The following HTT variants were observed in gnomAD, a reference collection of about 807,000 sequenced individuals.
HTT encodes the protein huntingtin.
HTT carries 104 observed loss-of-function variants against 362.3 expected under a neutral mutation model. That is an observed-to-expected ratio of 0.29 (90% confidence interval 0.24 to 0.34). The LOEUF is 0.34. Ranked by LOEUF, HTT falls within the 10% of genes least tolerant of loss-of-function variation. The probability of loss-of-function intolerance (pLI) is 1.00; values close to 1 mark genes in which losing one functional copy is unlikely to be tolerated. For missense variants in HTT, 3,301 were observed against 3,928.6 expected (o/e 0.84, Z 4.27); for synonymous variants, 1,577 against 1,548.7 (o/e 1.02, Z -0.43).
intron 26 of HTT, among the ~76,000 whole-genome samples, chr4:3,154,079 G>A (rs1426085614): frequency 6.6e-5 from 10 of 152,222 alleles, no homozygotes; most frequent in Admixed American, 5.9e-4. Flanking sequence ...GGAAGTTGTG[G>A]GCCAGTCCCT....
At chr4:3,137,119 G>A (rs1173369859) in intron 21 of HTT, among the ~76,000 whole-genome samples, 2 of 151,864 alleles carry the variant, frequency 1.3e-5, no homozygotes, top group African/African-American at 4.8e-5. Context: ...TATTGGCCAG[G>A]CTGGTCTCGA....
intron 29 of HTT, among the ~76,000 whole-genome samples, chr4:3,169,944 C>T (rs980376317): frequency 1.3e-5 from 2 of 152,184 alleles, no homozygotes; most frequent in African/African-American, 4.8e-5. Context: ...AAAAATGTCT[C>T]CCTGTGTTTC....
At chr4:3,226,720 G>T (rs1434227302) in intron 57 of HTT, among the ~76,000 whole-genome samples, 1 of 152,214 alleles carries the variant, frequency 6.6e-6, no homozygotes, top group Non-Finnish European at 1.5e-5. Context: ...ACACTTATGA[G>T]CTCTGAGAGT....
At chr4:3,167,824 A>G (rs1322252686) in intron 29 of HTT, among the ~76,000 whole-genome samples, 2 of 152,354 alleles carry the variant, frequency 1.3e-5, no homozygotes, top group East Asian at 1.9e-4. Flanking sequence ...TACATTTGGC[A>G]TAAGAATAAC....
At chr4:3,161,388 G>A (rs1200309073) in intron 29 of HTT, among the ~76,000 whole-genome samples, 1 of 152,162 alleles carries the variant, frequency 6.6e-6, no homozygotes. Context: ...ACATACATGT[G>A]CATGTGTCTT....
In HTT at chr4:3,074,808, G is replaced by A. The variant is rs760104459; in HGVS notation, c.-18G>A. 4 of 1,512,160 alleles carry A rather than the reference G, an allele frequency of 2.6e-6. No homozygotes were observed. The South Asian group carries it at 3.7e-5, about 14-fold the overall frequency. 93.7% of individuals were successfully genotyped at this position (1,512,160 alleles called of 1,614,324 possible). On this transcript the variant is annotated 5_prime_UTR_variant, in exon 1 of 67. Transcript: ENST00000355072. ...GCCCGAGGCCTCCGGGGACTGCCGT[G>A]CCGGGCGGGAGACCGCCATGGCGAC...
intron 1 of HTT, among the ~76,000 whole-genome samples, chr4:3,075,662 G>A: frequency 7.2e-6 from 1 of 139,284 alleles, no homozygotes; most frequent in Non-Finnish European, 1.6e-5. Flanking sequence ...GGGGGGCGGG[G>A]AGTGAGGGCG....
intron 51 of HTT, among the ~76,000 whole-genome samples, chr4:3,215,911 C>T (rs1291197619): frequency 1.3e-5 from 2 of 152,174 alleles, no homozygotes; most frequent in African/African-American, 2.4e-5. Context: ...TGGGGTGCTT[C>T]AGCTTCTTTA....
intron 53 of HTT, among the ~76,000 whole-genome samples, chr4:3,221,086 G>A (rs1390022570): frequency 6.6e-6 from 1 of 152,142 alleles, no homozygotes; most frequent in African/African-American, 2.4e-5. Flanking sequence ...CCCTGCTGTG[G>A]TGTTTCCTGG....
chr4:3,156,186 C>T (rs1053475922), intron 27 of HTT, among the ~76,000 whole-genome samples: 2 of 152,168 alleles, frequency 1.3e-5, no homozygotes, highest in Admixed American at 6.5e-5. Flanking sequence ...ATGGCACGAT[C>T]TCATCTCACT....
At chr4:3,075,436 G>A (rs1050798210) in intron 1 of HTT, among the ~76,000 whole-genome samples, 2 of 152,178 alleles carry the variant, frequency 1.3e-5, no homozygotes, top group African/African-American at 2.4e-5. Flanking sequence ...TTTTATTTGC[G>A]AGAAACCAGG....
chr4:3,095,536 A>AGGGAAT (rs1713814714), intron 2 of HTT, among the ~76,000 whole-genome samples: 1 of 152,178 alleles, frequency 6.6e-6, no homozygotes, highest in South Asian at 2.1e-4. Context: ...GGCGAGGGCG[A>AGGGAAT]GGGAATTCCT....
intron 30 of HTT, 91 bp from the exon 31 acceptor site, chr4:3,172,817 G>A: frequency 4.4e-6 from 4 of 905,800 alleles, no homozygotes; most frequent in South Asian, 1.4e-5. Context: ...AACATATCCA[G>A]TTATTTACAG....
intron 56 of HTT, among the ~76,000 whole-genome samples, chr4:3,225,002 C>G (rs1487055956): frequency 2.0e-5 from 3 of 152,138 alleles, no homozygotes; most frequent in Non-Finnish European, 4.4e-5. Context: ...GGAGCAAGTG[C>G]TTCCAGGGAA....
chr4:3,075,887 G>T (rs1009569218), intron 1 of HTT, among the ~76,000 whole-genome samples: 1 of 152,154 alleles, frequency 6.6e-6, no homozygotes, highest in Admixed American at 6.5e-5. Context: ...AACTTACGTG[G>T]TGATTAATGA....
At chr4:3,109,961 A>G (rs562795894) in intron 6 of HTT, among the ~76,000 whole-genome samples, 2 of 152,190 alleles carry the variant, frequency 1.3e-5, no homozygotes, top group African/African-American at 4.8e-5. Context: ...CATCCTTAGG[A>G]AGGCATCTTG....
chr4:3,079,098 G>T (rs184807869), intron 1 of HTT, among the ~76,000 whole-genome samples: 1 of 152,052 alleles, frequency 6.6e-6, no homozygotes, highest in Non-Finnish European at 1.5e-5. Context: ...GTTTTGCCAT[G>T]ATGAGCAGGC....
chr4:3,080,081 G>A (rs1282018895), intron 1 of HTT, among the ~76,000 whole-genome samples: 1 of 152,048 alleles, frequency 6.6e-6, no homozygotes, highest in Non-Finnish European at 1.5e-5. Flanking sequence ...AATAAGTTAA[G>A]GAACCCAGGC....
chr4:3,158,085 A>G (rs1267332857), intron 28 of HTT, among the ~76,000 whole-genome samples: 1 of 139,866 alleles, frequency 7.1e-6, no homozygotes, highest in Non-Finnish European at 1.5e-5. Context: ...TCAGGGCTCA[A>G]GTGATCCTCC....
Sources: allele counts gnomAD v4.1 joint callset (sites outside exome capture counted in the v4.1 genomes callset), GRCh38; gene constraint gnomAD v4.1.1; transcripts MANE v1.5; gene names NCBI Gene and HGNC (gene_info 2026-07-23, HGNC 2026-07-21).